DNAJC6: variants seen among roughly 807,000 people sequenced by gnomAD.
The protein encoded by DNAJC6 is auxilin.
In DNAJC6, 34 loss-of-function variants were observed where a neutral mutation model predicts 110.0. That is an observed-to-expected ratio of 0.31 (90% CI 0.24 to 0.41). The LOEUF (loss-of-function observed/expected upper bound fraction) is 0.41. Among genes scored for constraint, DNAJC6 ranks in the 10% least tolerant of loss-of-function variants. The pLI, the probability that DNAJC6 is intolerant of heterozygous loss-of-function variation, is 1.00. For synonymous variants in DNAJC6, 406 were observed against 437.2 expected, an observed-to-expected ratio of 0.93 and a Z score of 0.89; for missense variants, 1,031 against 1,207.8, an observed-to-expected ratio of 0.85 and a Z score of 2.17.
intron 1 of DNAJC6, among the ~76,000 whole-genome samples, chr1:65,349,107 A>ATATGTAAATATATATATAAAAATAT (rs1557535041): frequency 2.2e-5 from 3 of 136,698 alleles, no homozygotes; most frequent in African/African-American, 8.2e-5. Context: ...TATATAAATA[A>ATATGTAAATATATATATAAAAATAT]ATATGTAAAT....
chr1:65,275,440 G>A (rs1470330218), intron 1 of DNAJC6, among the ~76,000 whole-genome samples: 1 of 152,164 alleles, frequency 6.6e-6, no homozygotes, highest in East Asian at 1.9e-4. Flanking sequence ...GGAAAAGCAG[G>A]CTGTCAGTCA....
chr1:65,264,847 A>G (rs774995517), exon 1 of DNAJC6: 14 of 1,606,684 alleles, frequency 8.7e-6, no homozygotes, highest in Non-Finnish European at 1.2e-5. Flanking sequence ...GACAAATCAA[A>G]AGTCAGGGTT....
In DNAJC6 at chr1:65,392,864, A is replaced by G. The variant is rs2101614641; in HGVS notation, c.1902A>G (p.Glu634=). Residue 634 remains glutamate (E), a splice_region_variant and synonymous_variant, in exon 12 of 19, where the codon GAA becomes GAG. Coordinates refer to ENST00000371069, the MANE Select transcript of DNAJC6 (RefSeq NM_001256864.2). The stretch of plus-strand genomic sequence containing the variant: ...CGTCTCCAACCCTAAGAGTGGGAGA[A>G]GGTAATTTTTTCTATGTTGCACTGT... The part of the protein sequence containing the change: ...TSASPTLRVG[E]GATFDPFGAP... 1 of 1,510,438 alleles carries G rather than the reference A, an allele frequency of 6.6e-7. No individual in the cohort carries two copies. The highest frequency in any genetic ancestry group is 2.3e-5 in the East Asian group (1 of 43,400). The allele number at this position is 1,510,438 out of a possible 1,614,324, so 93.6% of individuals were successfully genotyped here.
At chr1:65,364,389 G>A (rs555968578) in intron 1 of DNAJC6, among the ~76,000 whole-genome samples, 87 of 152,012 alleles carry the variant, frequency 5.7e-4, no homozygotes, top group African/African-American at 2.0e-3. Flanking sequence ...GGCTAGTAGC[G>A]GCAATACTGG....
At position 65,413,268 on chromosome 1, in the gene DNAJC6, C is replaced by T. The variant is rs879399960; in HGVS notation, c.*243C>T. 4.1e-5 allele frequency: 17 copies of T among 419,360 alleles called. No individual in the cohort carries two copies. The highest frequency in any genetic ancestry group is 9.7e-5 in the East Asian group (2 of 20,698). The allele number at this position is 419,360 out of a possible 1,614,324, so 26.0% of individuals were successfully genotyped here. The stretch of plus-strand genomic sequence containing the variant: ...TAGTCAGATGACCTTGCAGAACCAC[C>T]GCATTCCACCCTGCCCTTTGGGGAG... On this transcript the variant is annotated 3_prime_UTR_variant, in exon 19 of 19. Coordinates refer to ENST00000371069, the MANE Select transcript of DNAJC6 (RefSeq NM_001256864.2).
chr1:65,368,599 C>A (rs563535990), intron 4 of DNAJC6, among the ~76,000 whole-genome samples: 7 of 146,190 alleles, frequency 4.8e-5, no homozygotes, highest in Admixed American at 4.7e-4. Flanking sequence ...TCTTCTTCTT[C>A]TTCTTCTCCT....
At chr1:65,272,262 G>C (rs1446974930) in intron 1 of DNAJC6, among the ~76,000 whole-genome samples, 2 of 152,176 alleles carry the variant, frequency 1.3e-5, no homozygotes, top group African/African-American at 4.8e-5. Context: ...TTTTTATCAT[G>C]AATCAGTTCT....
intron 1 of DNAJC6, among the ~76,000 whole-genome samples, chr1:65,342,438 G>C (rs140552468): frequency 6.6e-6 from 1 of 152,278 alleles, no homozygotes; most frequent in East Asian, 1.9e-4. Context: ...AGGATACAGG[G>C]AGAAGATGGC....
intron 5 of DNAJC6, 80 bp downstream of exon 5, chr1:65,379,604 A>C: frequency 3.3e-6 from 5 of 1,536,284 alleles, no homozygotes; most frequent in Non-Finnish European, 3.5e-6. Context: ...GTAGACAGGT[A>C]ACATTTGAGT....
At chr1:65,373,839 C>T (rs1009490686) in intron 4 of DNAJC6, among the ~76,000 whole-genome samples, 5 of 152,008 alleles carry the variant, frequency 3.3e-5, no homozygotes, top group African/African-American at 9.7e-5. Context: ...TTGAGGTCTT[C>T]CACAAGAAAT....
chr1:65,298,151 C>G (rs947182176), intron 1 of DNAJC6, among the ~76,000 whole-genome samples: 1 of 152,174 alleles, frequency 6.6e-6, no homozygotes, highest in Admixed American at 6.5e-5. Flanking sequence ...TATTACAATT[C>G]CCCTGTCTTG....
intron 1 of DNAJC6, among the ~76,000 whole-genome samples, chr1:65,265,963 G>C (rs1402385904): frequency 1.3e-5 from 2 of 152,258 alleles, no homozygotes; most frequent in Non-Finnish European, 2.9e-5. Context: ...CCGCTGCGCA[G>C]CAGTCTGCGC....
chr1:65,373,834 GT>G (rs1468206795), intron 4 of DNAJC6, among the ~76,000 whole-genome samples: 1 of 151,954 alleles, frequency 6.6e-6, no homozygotes, highest in Non-Finnish European at 1.5e-5. Context: ...TGCTTTTGAG[GT>G]CTTCCACAAG....
chr1:65,401,638 G>T, intron 14 of DNAJC6, 123 bp from the exon 15 acceptor site: 1 of 1,366,104 alleles, frequency 7.3e-7, no homozygotes, highest in Non-Finnish European at 9.8e-7. Context: ...CAACTTCTTA[G>T]ACATTTTCAA....
intron 1 of DNAJC6, among the ~76,000 whole-genome samples, chr1:65,315,624 C>G (rs891116477): frequency 6.6e-6 from 1 of 152,044 alleles, no homozygotes; most frequent in African/African-American, 2.4e-5. Flanking sequence ...AAAATAGCTA[C>G]AATTTAATTA....
chr1:65,279,839 A>G (rs1653788539), intron 1 of DNAJC6: 1 of 152,110 alleles, frequency 6.6e-6, no homozygotes, highest in Admixed American at 6.6e-5. Flanking sequence ...CACTTCCCGT[A>G]TTTTTAATTA....
intron 1 of DNAJC6, among the ~76,000 whole-genome samples, chr1:65,344,834 C>A (rs1201154891): frequency 6.6e-6 from 1 of 152,014 alleles, no homozygotes; most frequent in Admixed American, 6.6e-5. Flanking sequence ...CTTGGTAAGC[C>A]TACCTCAAGC....
In DNAJC6 at chr1:65,364,709, C is replaced by T. The variant is rs771959839; in HGVS notation, c.268C>T (p.Leu90Phe). ...FDMVKGGAGR[L>F]FSNLKDNLKD... ...CATGGTAAAAGGAGGTGCAGGGAGGCTCTTTAGTAACCTAAAGGACAACTT... is the reference window on the plus strand; with the variant it reads ...CATGGTAAAAGGAGGTGCAGGGAGGTTCTTTAGTAACCTAAAGGACAACTT... The change falls in exon 2 of 19, where the codon CTC becomes TTC. Residue 90 changes from leucine to phenylalanine, a missense_variant. Transcript: ENST00000371069. 2.5e-6 allele frequency: 4 copies of T among 1,611,984 alleles called. No individual in the cohort carries two copies. In the Admixed American group the frequency reaches 6.7e-5, roughly 27 times the overall value.
chr1:65,383,539 A>G (rs1645842625), intron 5 of DNAJC6, among the ~76,000 whole-genome samples: 1 of 152,140 alleles, frequency 6.6e-6, no homozygotes, highest in South Asian at 2.1e-4. Flanking sequence ...CACATTGGCC[A>G]AGGGCAGAGG....
Sources: allele counts gnomAD v4.1 joint callset (sites outside exome capture counted in the v4.1 genomes callset), GRCh38; gene constraint gnomAD v4.1.1; transcripts MANE v1.5; gene names NCBI Gene and HGNC (gene_info 2026-07-23, HGNC 2026-07-21).